Variants in OSBPL1A observed in about 807,000 individuals in gnomAD.
OSBPL1A encodes the protein oxysterol binding protein like 1A.
OSBPL1A carries 80 observed loss-of-function variants against 137.1 expected under a neutral mutation model. That is an observed-to-expected ratio of 0.58 (90% CI 0.49 to 0.70). The LOEUF is 0.70. Ranked by LOEUF, OSBPL1A falls within the 30% of genes least tolerant of loss-of-function variation. The pLI is 0.00. For synonymous variants in OSBPL1A, 365 were observed against 389.7 expected (o/e 0.94, Z 0.75); for missense variants, 970 against 1,129.4 (o/e 0.86, Z 2.02).
chr18:24,342,073 T>C (rs1406594122), intron 4 of OSBPL1A, among the ~76,000 whole-genome samples: 2 of 152,196 alleles, frequency 1.3e-5, no homozygotes, highest in African/African-American at 2.4e-5. Context: ...AAATTAATCT[T>C]GATATTTAAA....
At chr18:24,377,104 A>C (rs979162238) in intron 2 of OSBPL1A, among the ~76,000 whole-genome samples, 4 of 152,224 alleles carry the variant, frequency 2.6e-5, no homozygotes, top group African/African-American at 9.6e-5. Flanking sequence ...GGAGGCCCGA[A>C]AGCGAGCGAG....
At chr18:24,197,834 C>T (rs568123983) in intron 17 of OSBPL1A, among the ~76,000 whole-genome samples, 5 of 142,828 alleles carry the variant, frequency 3.5e-5, no homozygotes, top group Admixed American at 1.5e-4. Flanking sequence ...GTTGCCGAGG[C>T]TGGAGTGCAG....
intron 21 of OSBPL1A, among the ~76,000 whole-genome samples, chr18:24,176,555 G>C (rs866352021): frequency 6.6e-6 from 1 of 151,316 alleles, no homozygotes; most frequent in Admixed American, 6.6e-5. Context: ...GAATGATTTT[G>C]GATTGTATTC....
rs759213694 is a variant in OSBPL1A at position 24,225,150 on chromosome 18, C to G, written c.1493G>C (p.Arg498Pro). Residue 498 changes from arginine (R) to proline (P), a missense_variant, in exon 17 of 28, where the codon CGC (arginine) becomes CCC (proline). This residue lies in a region of OSBPL1A where 647 missense variants were observed against 672.6 expected (regional missense o/e 0.96). Transcript: ENST00000319481. ...ATGCTCTCCTTCCTCTTCAAAGGAG[C>G]GTGCTGTCACTGCTTCCAATCTACT... ...SLSRLEAVTA[R>P]SFEEEGEHLG... 2.0e-5 allele frequency: 33 copies of G among 1,614,160 alleles called. No individual in the cohort carries two copies. The highest frequency in any genetic ancestry group is 1.8e-4 in the East Asian group (8 of 44,880).
Position 24,163,257 on chromosome 18 carries a change from G to A in OSBPL1A, c.2775C>T (p.Pro925=). 1 of 1,612,918 alleles carries A rather than the reference G, an allele frequency of 6.2e-7. No individual in the cohort carries two copies. The part of the protein sequence containing the change: ...KTRWFHQGPN[P]YNGAQDWIYS... ...AAATCCAGTCCTGTGCTCCATTGTAGGGATTAGGACCTTGATGGAACCACC... is the reference window on the plus strand; with the variant it reads ...AAATCCAGTCCTGTGCTCCATTGTAAGGATTAGGACCTTGATGGAACCACC... Residue 925 remains proline (P), a synonymous_variant, in exon 28 of 28, where the codon CCC becomes CCT. Coordinates refer to ENST00000319481, the MANE Select transcript of OSBPL1A (RefSeq NM_080597.4).
At chr18:24,290,826 CT>C in intron 14 of OSBPL1A, among the ~76,000 whole-genome samples, 1 of 152,284 alleles carries the variant, frequency 6.6e-6, no homozygotes, top group African/African-American at 2.4e-5. Flanking sequence ...GGGCAGACCC[CT>C]AGTGACAGTG....
intron 1 of OSBPL1A, among the ~76,000 whole-genome samples, chr18:24,390,628 G>A (rs983030109): frequency 7.6e-6 from 1 of 131,856 alleles, no homozygotes; most frequent in Non-Finnish European, 1.6e-5. Context: ...CTGGGAGGCA[G>A]AGGTTGCAGT....
chr18:24,257,878 G>A (rs549622333), intron 15 of OSBPL1A, among the ~76,000 whole-genome samples: 2 of 152,254 alleles, frequency 1.3e-5, no homozygotes, highest in African/African-American at 4.8e-5. Context: ...ATGAAAAGGC[G>A]CTCAACATCA....
At chr18:24,374,745 T>C (rs1905951279) in intron 2 of OSBPL1A, among the ~76,000 whole-genome samples, 2 of 152,048 alleles carry the variant, frequency 1.3e-5, no homozygotes, top group South Asian at 2.1e-4. Context: ...CAAGCCAACA[T>C]GAGAGTCTCC....
At chr18:24,377,382 G>C (rs1906263589) in intron 2 of OSBPL1A, 31 bp downstream of exon 2, 1 of 1,590,340 alleles carries the variant, frequency 6.3e-7, no homozygotes, top group Non-Finnish European at 8.5e-7. Flanking sequence ...AGACTCATAA[G>C]AGAAAGCTAC....
In OSBPL1A at chr18:24,163,230, G is replaced by A. The variant is rs745940314; in HGVS notation, c.2802C>T (p.Tyr934=). The A allele has an allele frequency of 6.2e-7, 1 of 1,613,736 alleles. No individual in the cohort carries two copies. Among genetic ancestry groups the A allele is most frequent in the Non-Finnish European group, 8.5e-7 (1 of 1,179,734 alleles). Residue 934 remains tyrosine (Y), a synonymous_variant, in exon 28 of 28, where the codon TAC becomes TAT. Transcript: ENST00000319481. The part of the protein sequence containing the change: ...NPYNGAQDWI[Y]SGSYWDRNYF... ...AATTTCTGTCCCAGTAGCTGCCAGA[G>A]TAAATCCAGTCCTGTGCTCCATTGT...
At chr18:24,298,573 C>T (rs1599633865) in intron 14 of OSBPL1A, among the ~76,000 whole-genome samples, 1 of 152,208 alleles carries the variant, frequency 6.6e-6, no homozygotes, top group Non-Finnish European at 1.5e-5. Flanking sequence ...TCTCGATCTC[C>T]GGACCTCGTG....
chr18:24,208,668 C>A (rs2087442189), intron 17 of OSBPL1A, among the ~76,000 whole-genome samples: 1 of 152,166 alleles, frequency 6.6e-6, no homozygotes, highest in African/African-American at 2.4e-5. Flanking sequence ...CCCTGTTGAA[C>A]CTGCAGTGAA....
intron 1 of OSBPL1A, among the ~76,000 whole-genome samples, chr18:24,393,197 GCA>G (rs1599746239): frequency 1.3e-5 from 2 of 152,168 alleles, no homozygotes; most frequent in East Asian, 3.9e-4. Context: ...TATACATTAT[GCA>G]CACATGTGCA....
At chr18:24,366,618 A>AAT in intron 4 of OSBPL1A, 1 of 314,372 alleles carries the variant, frequency 3.2e-6, no homozygotes. Context: ...TAAAAAAAAG[A>AAT]ATAATCAGGA....
At chr18:24,331,945 G>T (rs1055692193) in intron 7 of OSBPL1A, among the ~76,000 whole-genome samples, 3 of 152,118 alleles carry the variant, frequency 2.0e-5, no homozygotes, top group African/African-American at 7.2e-5. Flanking sequence ...TTCCAGCTGA[G>T]GTAGAAGAAG....
intron 4 of OSBPL1A, among the ~76,000 whole-genome samples, chr18:24,345,336 T>C (rs1442834596): frequency 2.0e-5 from 3 of 152,096 alleles, no homozygotes; most frequent in Non-Finnish European, 4.4e-5. Context: ...GGAAAAAAAT[T>C]AAGTTAACTG....
In OSBPL1A at chr18:24,271,228, G is replaced by A. The variant is rs937147923; in HGVS notation, c.1281+9614C>T. On this transcript the variant is annotated intron_variant, in intron 15 of 27. Transcript: ENST00000319481. This position sits in a 1 kb window ranked among gnomAD's most constrained non-coding sequence, Gnocchi z 4.0. ...TAAGTTCATCTCAATGTCAGCCGGAGCACAGCCATGCGAAAAATCACTAAC... is the reference window on the plus strand; with the variant it reads ...TAAGTTCATCTCAATGTCAGCCGGAACACAGCCATGCGAAAAATCACTAAC... Among the ~76,000 whole-genome samples the A allele has an allele frequency of 1.3e-5, 2 of 152,204 alleles. No homozygotes were observed. The highest frequency in any genetic ancestry group is 2.9e-5 in the Non-Finnish European group (2 of 68,040).
At chr18:24,232,980 A>G (rs2088329429) in intron 16 of OSBPL1A, among the ~76,000 whole-genome samples, 1 of 152,248 alleles carries the variant, frequency 6.6e-6, no homozygotes, top group Non-Finnish European at 1.5e-5. Flanking sequence ...TGCACATTTC[A>G]ACCAAAATAG....
Sources: gnomAD v4.1 joint callset for allele counts (sites outside exome capture counted in the v4.1 genomes callset) on GRCh38, gnomAD v4.1.1 for gene constraint, gnomAD v4.1.1 regional missense constraint, Gnocchi (gnomAD v3.1) non-coding constraint, MANE v1.5 for transcripts, NCBI Gene and HGNC (gene_info 2026-07-23, HGNC 2026-07-21) for gene names.